Variants in AIRIM observed in about 807,000 individuals in gnomAD.
The protein encoded by AIRIM is AFG2 interacting ribosome maturation factor, also known as AFG2-interacting ribosome maturation factor.
the AIRIM span, chr1:37,686,291 T>C: frequency 4.3e-6 from 7 of 1,613,652 alleles, no homozygotes; most frequent in Non-Finnish European, 5.9e-6. Context: ...ATAATGTCTC[T>C]CAATATCCTG....
At chr1:37,682,331 A>G in the AIRIM span, 3 of 152,456 alleles carry the variant, frequency 2.0e-5, no homozygotes, top group Non-Finnish European at 4.4e-5. Flanking sequence ...TGAAGGCAGC[A>G]GACCTTGGAA....
At chr1:37,683,972 T>C in the AIRIM span, 1 of 155,962 alleles carries the variant, frequency 6.4e-6, no homozygotes, top group African/African-American at 2.4e-5. Flanking sequence ...TTTATCCCAT[T>C]AGCAACAGGA....
chr1:37,686,082 A>G, the AIRIM span, among the ~76,000 whole-genome samples: 2 of 152,228 alleles, frequency 1.3e-5, no homozygotes, highest in African/African-American at 4.8e-5. Context: ...CACCAAGAAC[A>G]GTGCCTGACA....
the AIRIM span, chr1:37,683,759 C>T: frequency 4.9e-6 from 1 of 205,088 alleles, no homozygotes; most frequent in East Asian, 1.3e-4. Context: ...ATAAATACAT[C>T]CAATTCAGAG....
the AIRIM span, chr1:37,689,995 G>C: frequency 6.9e-7 from 1 of 1,440,136 alleles, no homozygotes; most frequent in African/African-American, 1.4e-5. Flanking sequence ...GACAGGAGTT[G>C]TCTCACCTCC....
At chr1:37,683,061 C>G in the AIRIM span, 1 of 1,529,804 alleles carries the variant, frequency 6.5e-7, no homozygotes, top group Admixed American at 1.7e-5. Flanking sequence ...TTAGAAACAT[C>G]AGGGTTCAGA....
the AIRIM span, chr1:37,690,477 A>C: frequency 1.6e-6 from 2 of 1,252,378 alleles, no homozygotes; most frequent in Admixed American, 5.9e-5. Flanking sequence ...AGACAGCCAA[A>C]GCGTGAGAAC....
the AIRIM span, among the ~76,000 whole-genome samples, chr1:37,688,150 A>G: frequency 0.28 from 43,238 of 152,004 alleles, 6,686 homozygotes; most frequent in African/African-American, 0.39. Context: ...TCTGCCTCCC[A>G]GGTCCAAGAG....
At chr1:37,688,647 A>G in the AIRIM span, among the ~76,000 whole-genome samples, 21 of 152,314 alleles carry the variant, frequency 1.4e-4, no homozygotes, top group Admixed American at 1.4e-3. Context: ...GAAAGTCCTC[A>G]TCTGTGACAG....
At chr1:37,681,747 T>C in the AIRIM span, 2 of 152,204 alleles carry the variant, frequency 1.3e-5, no homozygotes, top group Non-Finnish European at 2.9e-5. Context: ...AACACAAAGA[T>C]TTGGGAAAAT....
the AIRIM span, chr1:37,683,169 G>A: frequency 6.2e-7 from 1 of 1,610,908 alleles, no homozygotes; most frequent in Non-Finnish European, 8.5e-7. Flanking sequence ...ATCTGAAATA[G>A]GAAGACAGAA....
chr1:37,682,267 C>G, the AIRIM span: 1 of 152,026 alleles, frequency 6.6e-6, no homozygotes, highest in East Asian at 1.9e-4. Flanking sequence ...ACCAAGATTC[C>G]CACAACACTC....
chr1:37,689,683 G>C, the AIRIM span: 1 of 1,614,054 alleles, frequency 6.2e-7, no homozygotes, highest in African/African-American at 1.3e-5. Flanking sequence ...TTAAATCTGG[G>C]AAGGCCCGAA....
At chr1:37,690,284 C>T in the AIRIM span, 1 of 1,292,052 alleles carries the variant, frequency 7.7e-7, no homozygotes, top group Non-Finnish European at 1.0e-6. Context: ...CGCGCCCGGC[C>T]TGCCTCAGCT....
chr1:37,687,930 C>T, the AIRIM span, among the ~76,000 whole-genome samples: 2 of 151,778 alleles, frequency 1.3e-5, no homozygotes, highest in African/African-American at 4.8e-5. Context: ...ACTATGTTGC[C>T]CAGGCTGGTC....
chr1:37,687,208 A>G, the AIRIM span, among the ~76,000 whole-genome samples: 34 of 149,370 alleles, frequency 2.3e-4, 1 homozygote, highest in African/African-American at 4.2e-4. Context: ...GCTCACCACA[A>G]CCTCTGGCTC....
the AIRIM span, among the ~76,000 whole-genome samples, chr1:37,687,164 G>T: frequency 1.3e-5 from 2 of 151,432 alleles, no homozygotes; most frequent in East Asian, 3.9e-4. Flanking sequence ...TTTCGTTCTT[G>T]TCGCCCAGGC....
At chr1:37,683,412 AAAG>A in the AIRIM span, 1 of 1,614,016 alleles carries the variant, frequency 6.2e-7, no homozygotes. Context: ...TGGATAGACG[AAAG>A]AAGATACTTT....
the AIRIM span, chr1:37,690,435 C>T: frequency 1.6e-6 from 2 of 1,264,334 alleles, no homozygotes; most frequent in African/African-American, 3.1e-5. Flanking sequence ...TGCCGGTCGC[C>T]TTCCTGAAAA....
Sources: gnomAD v4.1 joint callset for allele counts (sites outside exome capture counted in the v4.1 genomes callset) on GRCh38, gnomAD v4.1.1 for gene constraint, MANE v1.5 for transcripts, NCBI Gene and HGNC (gene_info 2026-07-23, HGNC 2026-07-21) for gene names.